Variants in NOTCH2 observed in about 807,000 individuals in gnomAD.
The protein encoded by NOTCH2 is neurogenic locus notch homolog protein 2.
NOTCH2 carries 29 observed loss-of-function variants against 235.8 expected under a neutral mutation model. The observed-to-expected ratio is 0.12, with a 90% confidence interval of 0.09 to 0.17. The LOEUF (loss-of-function observed/expected upper bound fraction) is 0.17, where lower values mean the gene tolerates loss of function less well. Ranked by LOEUF, NOTCH2 falls within the 10% of genes least tolerant of loss-of-function variation. NOTCH2 has a pLI of 1.00. For missense variants in NOTCH2, 2,285 were observed against 3,150.2 expected, an observed-to-expected ratio of 0.73 and a Z score of 6.57; for synonymous variants, 1,086 against 1,141.5, an observed-to-expected ratio of 0.95 and a Z score of 0.98.
intron 1 of NOTCH2, among the ~76,000 whole-genome samples, chr1:120,043,878 A>G (rs1654689224): frequency 6.7e-6 from 1 of 148,258 alleles, no homozygotes; most frequent in Non-Finnish European, 1.5e-5. Context: ...AAAAAAAACT[A>G]CCCTATGACT....
chr1:119,918,287 G>C, intron 32 of NOTCH2, 119 bp downstream of exon 32: 1 of 1,102,272 alleles, frequency 9.1e-7, no homozygotes. Flanking sequence ...ATGAAAGAAT[G>C]AGTGAATCTC....
intron 3 of NOTCH2, among the ~76,000 whole-genome samples, chr1:119,999,350 T>C (rs1355130207): frequency 6.9e-6 from 1 of 145,854 alleles, no homozygotes; most frequent in African/African-American, 2.6e-5. Context: ...ATGTGACATA[T>C]GAGCACAGAA....
chr1:119,951,992 C>T (rs1383624230), intron 14 of NOTCH2, among the ~76,000 whole-genome samples: 1 of 152,198 alleles, frequency 6.6e-6, no homozygotes, highest in Non-Finnish European at 1.5e-5. Flanking sequence ...AATACAGTCT[C>T]AGAAATGTTT....
chr1:119,954,999 C>T (rs2101124158), intron 13 of NOTCH2, 41 bp downstream of exon 13: 2 of 1,606,838 alleles, frequency 1.2e-6, no homozygotes, highest in South Asian at 2.2e-5. Context: ...ACTGGCTTAA[C>T]ACAGGTCAAT....
intron 5 of NOTCH2, among the ~76,000 whole-genome samples, chr1:119,975,096 T>A (rs1651520184): frequency 6.6e-6 from 1 of 152,222 alleles, no homozygotes; most frequent in Non-Finnish European, 1.5e-5. Flanking sequence ...AGCTCAGTGC[T>A]GATAAAGACT....
chr1:119,955,342 C>T (rs1650647849), intron 12 of NOTCH2, 110 bp from the exon 13 acceptor site: 4 of 1,044,260 alleles, frequency 3.8e-6, no homozygotes, highest in African/African-American at 1.6e-5. Context: ...CCATAAGGTG[C>T]CTTGAGGCAC....
chr1:119,969,624 C>T lies in NOTCH2; in HGVS notation c.995G>A (p.Gly332Glu), dbSNP rs1651284241. 6.2e-7 allele frequency: 1 copy of T among 1,614,094 alleles called. No homozygotes were observed. Among genetic ancestry groups the T allele is most frequent in the Non-Finnish European group, 8.5e-7 (1 of 1,179,996 alleles). ...YGCVCVNGWS[G>E]DDCSENIDDC... ...ATCAATGTTCTCACTGCAGTCATCT[C>T]CACTCCAGCCGTTGACACATACACA... The change falls in exon 6 of 34, where the codon GGA (glycine) becomes GAA (glutamate). Residue 332 changes from glycine to glutamate, a missense_variant. By Grantham distance (98) the Gly-to-Glu change is moderately conservative. Around this residue, in one of 6 missense-constraint regions of NOTCH2, gnomAD observed 431 missense variants for 757.8 expected, o/e 0.57. Transcript: ENST00000256646.
At chr1:119,989,044 TAGGTAGGTAAGAAGGG>T (rs1339959899) in intron 4 of NOTCH2, among the ~76,000 whole-genome samples, 8 of 152,162 alleles carry the variant, frequency 5.3e-5, no homozygotes, top group African/African-American at 1.7e-4. Flanking sequence ...AATAGGTAGA[TAGGTAGGTAAGAAGGG>T]AGGTAGGTAA....
intron 19 of NOTCH2, 103 bp from the exon 20 acceptor site, chr1:119,938,113 T>C (rs1413024138): frequency 1.5e-6 from 2 of 1,334,064 alleles, no homozygotes; most frequent in Admixed American, 2.0e-5. Context: ...GCAAACTGAT[T>C]AAAAAGAAAA....
In NOTCH2 at chr1:119,912,676, AG is replaced by A. The variant is rs1648931158; in HGVS notation, c.*2629del. ...AAAAATAAACCAAAAATAGCAGGGG[AG>A]GATCTATACATGGCATAAAAGATGT... On this transcript the variant is annotated 3_prime_UTR_variant, in exon 34 of 34. Coordinates refer to ENST00000256646, the MANE Select transcript of NOTCH2 (RefSeq NM_024408.4). 1 of 233,186 alleles carries A rather than the reference AG, an allele frequency of 4.3e-6. No individual in the cohort carries two copies. 14.4% of individuals were successfully genotyped at this position (233,186 alleles called of 1,614,324 possible). A position where few individuals can be genotyped will look rare whatever the true frequency, so the allele number is the denominator to read the frequency against.
At chr1:119,976,079 C>A (rs891881204) in intron 5 of NOTCH2, among the ~76,000 whole-genome samples, 1 of 152,196 alleles carries the variant, frequency 6.6e-6, no homozygotes, top group Non-Finnish European at 1.5e-5. Flanking sequence ...CTCATTGCAA[C>A]AACAATCTCC....
intron 18 of NOTCH2, among the ~76,000 whole-genome samples, chr1:119,941,288 T>C (rs782255006): frequency 2.0e-5 from 3 of 152,234 alleles, no homozygotes; most frequent in African/African-American, 2.4e-5. Flanking sequence ...TAGCTCTTTC[T>C]GTTCCCTAAG....
intron 28 of NOTCH2, 111 bp downstream of exon 28, chr1:119,922,125 T>C: frequency 8.3e-7 from 1 of 1,202,438 alleles, no homozygotes; most frequent in Non-Finnish European, 1.2e-6. Context: ...TCATGGTCAA[T>C]GTGAGTAAAT....
intron 10 of NOTCH2, among the ~76,000 whole-genome samples, chr1:119,964,477 A>C (rs1553199413): frequency 6.6e-6 from 1 of 152,208 alleles, no homozygotes; most frequent in African/African-American, 2.4e-5. Context: ...TATCCTCTAC[A>C]AGAAGAATCT....
chr1:120,045,707 G>A (rs1294202891), intron 1 of NOTCH2, among the ~76,000 whole-genome samples: 4 of 152,268 alleles, frequency 2.6e-5, no homozygotes, highest in Non-Finnish European at 5.9e-5. Flanking sequence ...TCTACCTCAA[G>A]TATACAGTTT....
At chr1:120,057,025 T>A (rs1325369608) in intron 1 of NOTCH2, among the ~76,000 whole-genome samples, 1 of 116,702 alleles carries the variant, frequency 8.6e-6, no homozygotes, top group Non-Finnish European at 1.5e-5. Context: ...CCTTAAATAA[T>A]TATTAGATCA....
intron 3 of NOTCH2, among the ~76,000 whole-genome samples, chr1:120,000,806 A>G (rs1328108530): frequency 2.0e-5 from 3 of 152,130 alleles, no homozygotes; most frequent in Non-Finnish European, 4.4e-5. Flanking sequence ...AGTGACTTAC[A>G]TCATCAATAC....
At chr1:119,949,550 C>A (rs1332803608) in intron 15 of NOTCH2, among the ~76,000 whole-genome samples, 1 of 151,974 alleles carries the variant, frequency 6.6e-6, no homozygotes, top group East Asian at 1.9e-4. Context: ...CGACGCCCGG[C>A]TAATTTTTTA....
At chr1:119,967,991 G>C in intron 7 of NOTCH2, 86 bp downstream of exon 7, 1 of 1,472,752 alleles carries the variant, frequency 6.8e-7, no homozygotes, top group Non-Finnish European at 9.5e-7. Context: ...TATGTAATTT[G>C]CTTCTACAGT....
Sources: gnomAD v4.1 joint callset for allele counts (sites outside exome capture counted in the v4.1 genomes callset) on GRCh38, gnomAD v4.1.1 for gene constraint, gnomAD v4.1.1 regional missense constraint, MANE v1.5 for transcripts, NCBI Gene and HGNC (gene_info 2026-07-23, HGNC 2026-07-21) for gene names.